TAS2R1: variants seen among roughly 807,000 people sequenced by gnomAD.
TAS2R1 encodes taste 2 receptor member 1, also known as taste receptor type 2 member 1.
For synonymous variants in TAS2R1, 141 were observed against 134.2 expected, an observed-to-expected ratio of 1.05 and a Z score of -0.35; for missense variants, 370 against 353.4, an observed-to-expected ratio of 1.05 and a Z score of -0.38.
chr5:9,885,196 A>G, the TAS2R1 span, among the ~76,000 whole-genome samples: 1 of 152,206 alleles, frequency 6.6e-6, no homozygotes, highest in Non-Finnish European at 1.5e-5. Context: ...TAATCAATAC[A>G]CTATTGCCTC....
chr5:9,715,971 G>A (rs1293743115), upstream of TAS2R1, among the ~76,000 whole-genome samples: 1 of 152,206 alleles, frequency 6.6e-6, no homozygotes, highest in Non-Finnish European at 1.5e-5. Flanking sequence ...TTATTTCGGA[G>A]CCTCCAAATG....
the TAS2R1 span, among the ~76,000 whole-genome samples, chr5:9,860,965 G>A: frequency 6.9e-6 from 1 of 145,486 alleles, no homozygotes; most frequent in African/African-American, 2.5e-5. Context: ...GAAAGTAAGG[G>A]CCTTTTTTTT....
At chr5:9,750,418 T>G in the TAS2R1 span, among the ~76,000 whole-genome samples, 1 of 152,168 alleles carries the variant, frequency 6.6e-6, no homozygotes, top group Non-Finnish European at 1.5e-5. Context: ...TTAAATGATT[T>G]GCTCTGAACG....
chr5:9,781,073 T>C, the TAS2R1 span, among the ~76,000 whole-genome samples: 1 of 152,358 alleles, frequency 6.6e-6, no homozygotes, highest in South Asian at 2.1e-4. Context: ...TCCTATAGCC[T>C]AGCCAAGTTG....
At chr5:9,644,734 T>C (rs1740155085) in intron 2 of TAS2R1, among the ~76,000 whole-genome samples, 1 of 152,148 alleles carries the variant, frequency 6.6e-6, no homozygotes, top group African/African-American at 2.4e-5. Context: ...CTGAGCACTG[T>C]AAATAAGAAA....
chr5:9,690,928 C>T (rs1741237085), intron 1 of TAS2R1, among the ~76,000 whole-genome samples: 1 of 152,062 alleles, frequency 6.6e-6, no homozygotes, highest in African/African-American at 2.4e-5. Context: ...GAACACAGTC[C>T]ATTCAAAAAC....
chr5:9,695,003 A>G (rs1014386291), intron 1 of TAS2R1, among the ~76,000 whole-genome samples: 15 of 152,340 alleles, frequency 9.8e-5, no homozygotes, highest in East Asian at 7.7e-4. Flanking sequence ...TGATTCTAGC[A>G]TTAACCACCT....
chr5:9,656,917 A>T (rs1403828144), intron 2 of TAS2R1, among the ~76,000 whole-genome samples: 1 of 152,208 alleles, frequency 6.6e-6, no homozygotes, highest in East Asian at 1.9e-4. Context: ...AAGATAAAAC[A>T]ACCTTAAGAG....
intron 1 of TAS2R1, among the ~76,000 whole-genome samples, chr5:9,703,044 T>C (rs1340404521): frequency 3.3e-5 from 5 of 152,144 alleles, no homozygotes; most frequent in African/African-American, 1.2e-4. Context: ...CAGGAATTTG[T>C]TTTTAGGCAC....
chr5:9,842,660 C>T, the TAS2R1 span, among the ~76,000 whole-genome samples: 9 of 152,102 alleles, frequency 5.9e-5, no homozygotes, highest in African/African-American at 2.2e-4. Context: ...CACCCAGCTA[C>T]TAAGCTGATT....
chr5:9,671,422 G>T lies in TAS2R1; in HGVS notation c.-241-11841C>A, dbSNP rs941414419. Among the ~76,000 whole-genome samples the T allele has an allele frequency of 3.7e-4, 57 of 152,076 alleles. 1 individual carries two copies. The highest frequency in any genetic ancestry group is 1.2e-4 in the Non-Finnish European group (8 of 68,000). On this transcript the variant is annotated intron_variant, in intron 1 of 2. Transcript: ENST00000506620. ...GTCCCTGACCGAAGCTTCTAGATAT[G>T]ATAAACAACTTCAGCAAAGTTTCAG...
chr5:9,698,826 T>G (rs1472256863), intron 1 of TAS2R1, among the ~76,000 whole-genome samples: 1 of 152,218 alleles, frequency 6.6e-6, no homozygotes, highest in Non-Finnish European at 1.5e-5. Context: ...CGAAAGAATA[T>G]TATCTTGTAA....
At chr5:9,666,046 G>C (rs1740626935) in intron 1 of TAS2R1, among the ~76,000 whole-genome samples, 1 of 152,190 alleles carries the variant, frequency 6.6e-6, no homozygotes, top group South Asian at 2.1e-4. Context: ...AGTTGAACTG[G>C]ATTCAGGAAA....
At chr5:9,819,833 T>A in the TAS2R1 span, among the ~76,000 whole-genome samples, 1 of 152,112 alleles carries the variant, frequency 6.6e-6, no homozygotes, top group East Asian at 1.9e-4. Context: ...CATTAAAATC[T>A]AGGACATTCA....
chr5:9,855,355 A>G, the TAS2R1 span, among the ~76,000 whole-genome samples: 5 of 152,192 alleles, frequency 3.3e-5, no homozygotes, highest in Admixed American at 6.5e-5. Flanking sequence ...GTGCAAATTC[A>G]ATACACCATC....
At chr5:9,874,183 C>T in the TAS2R1 span, among the ~76,000 whole-genome samples, 1 of 152,090 alleles carries the variant, frequency 6.6e-6, no homozygotes, top group Non-Finnish European at 1.5e-5. Flanking sequence ...ATATTTTAAA[C>T]TATATCCTTT....
At chr5:9,640,267 G>C (rs1299907937) in intron 2 of TAS2R1, among the ~76,000 whole-genome samples, 3 of 151,836 alleles carry the variant, frequency 2.0e-5, no homozygotes, top group African/African-American at 7.3e-5. Context: ...TATCAATCAA[G>C]TTTGCCATCT....
chr5:9,725,853 C>G, the TAS2R1 span, among the ~76,000 whole-genome samples: 3 of 152,246 alleles, frequency 2.0e-5, no homozygotes, highest in African/African-American at 7.2e-5. Flanking sequence ...ATACACCAAT[C>G]AGCAGCCTGT....
At chr5:9,702,709 CA>C (rs1230855609) in intron 1 of TAS2R1, among the ~76,000 whole-genome samples, 1 of 152,034 alleles carries the variant, frequency 6.6e-6, no homozygotes, top group East Asian at 1.9e-4. Context: ...TGAGAGCACC[CA>C]AAATGATCTT....
Sources: allele counts gnomAD v4.1 joint callset (sites outside exome capture counted in the v4.1 genomes callset), GRCh38; gene constraint gnomAD v4.1.1; transcripts MANE v1.5; gene names NCBI Gene and HGNC (gene_info 2026-07-23, HGNC 2026-07-21).